The following EYS variants were observed in gnomAD, a reference collection of about 807,000 sequenced individuals.
EYS encodes the protein EGF-like photoreceptor maintenance factor.
Under a neutral mutation model 282.1 loss-of-function variants are expected in EYS, and 250 were observed. The ratio of observed to expected loss-of-function variants is 0.89; its 90% CI spans 0.80 to 0.98. The LOEUF (loss-of-function observed/expected upper bound fraction) is 0.98. EYS is among the 50% of genes least tolerant of loss of function. EYS has a pLI of 0.00. For synonymous variants in EYS, 1,355 were observed against 1,282.9 expected (o/e 1.06, Z -1.20); for missense variants, 4,016 against 3,709.0 (o/e 1.08, Z -2.15).
chr6:64,074,128 A>G (rs1165883995), intron 32 of EYS, among the ~76,000 whole-genome samples: 1 of 151,684 alleles, frequency 6.6e-6, no homozygotes, highest in Non-Finnish European at 1.5e-5. Flanking sequence ...AAAACTTTAT[A>G]AAATCTCTAG....
In EYS at chr6:65,279,274, ACTTT is replaced by A. The variant is rs1360127731; in HGVS notation, c.2023+16585_2023+16588del. ...GTGCTTAGGGCTCTCTCTTCCTGCA[ACTTT>A]CTTTCTCCCTGACTTTCTCATAGTT... On this transcript the variant is annotated intron_variant, in intron 12 of 42. Coordinates refer to ENST00000503581, the MANE Select transcript of EYS (RefSeq NM_001142800.2). Among the ~76,000 whole-genome samples, 4 of 151,990 alleles carry A rather than the reference ACTTT, an allele frequency of 2.6e-5. No individual in the cohort carries two copies. The South Asian group carries it at 6.2e-4, about 24-fold the overall frequency.
At chr6:65,110,516 G>A (rs1418268313) in intron 12 of EYS, among the ~76,000 whole-genome samples, 1 of 152,068 alleles carries the variant, frequency 6.6e-6, no homozygotes, top group Non-Finnish European at 1.5e-5. Flanking sequence ...CTTGAAAAAT[G>A]ACAAGATGTT....
At chr6:64,774,615 C>T (rs1037803771) in intron 22 of EYS, among the ~76,000 whole-genome samples, 1 of 151,826 alleles carries the variant, frequency 6.6e-6, no homozygotes, top group Non-Finnish European at 1.5e-5. Context: ...GTCCTTGAAC[C>T]TCAGTCTGTT....
intron 36 of EYS, among the ~76,000 whole-genome samples, chr6:63,838,519 G>A (rs1224688732): frequency 6.6e-6 from 1 of 152,064 alleles, no homozygotes; most frequent in African/African-American, 2.4e-5. Context: ...TTATACTGCG[G>A]CCCTGTATAT....
At chr6:65,199,138 C>T (rs1582008767) in intron 12 of EYS, among the ~76,000 whole-genome samples, 2 of 152,064 alleles carry the variant, frequency 1.3e-5, no homozygotes, top group Non-Finnish European at 2.9e-5. Flanking sequence ...AGATCTACCC[C>T]AATGAGATGC....
intron 22 of EYS, among the ~76,000 whole-genome samples, chr6:64,806,295 A>C (rs1248215798): frequency 6.6e-6 from 1 of 151,918 alleles, no homozygotes; most frequent in Non-Finnish European, 1.5e-5. Flanking sequence ...GTTATTGTAC[A>C]ATCAATATCA....
At chr6:65,192,963 T>C (rs1765678027) in intron 12 of EYS, among the ~76,000 whole-genome samples, 1 of 151,872 alleles carries the variant, frequency 6.6e-6, no homozygotes, top group African/African-American at 2.4e-5. Context: ...TAAAATGCAT[T>C]GTTAACTATA....
rs534922818 is a variant in EYS, at chr6:65,391,784, T to A, written c.1185-7284A>T. Among the ~76,000 whole-genome samples, 23 of 151,890 alleles carry A rather than the reference T, an allele frequency of 1.5e-4. 1 individual carries two copies. In the East Asian group the frequency reaches 4.5e-3, roughly 30 times the overall value. Reference sequence around the variant, plus strand: ...AGATTCAATGCCATCCCCATCAAGCTACCAATGACTTTCTTTACAGAATTG... The same window carrying A: ...AGATTCAATGCCATCCCCATCAAGCAACCAATGACTTTCTTTACAGAATTG... On this transcript the variant is annotated intron_variant, in intron 7 of 42. Coordinates refer to ENST00000503581, the MANE Select transcript of EYS (RefSeq NM_001142800.2).
intron 2 of EYS, among the ~76,000 whole-genome samples, chr6:65,590,560 C>T (rs1402200700): frequency 1.3e-5 from 2 of 151,930 alleles, no homozygotes; most frequent in Non-Finnish European, 2.9e-5. Flanking sequence ...GACTGTACAA[C>T]AGAACACTAA....
chr6:63,963,377 A>T (rs926327262), intron 35 of EYS, among the ~76,000 whole-genome samples: 5 of 152,196 alleles, frequency 3.3e-5, no homozygotes, highest in African/African-American at 1.2e-4. Flanking sequence ...GGACTAAAAA[A>T]AGTGCATAAA....
chr6:65,249,119 G>T (rs569976473), intron 12 of EYS, among the ~76,000 whole-genome samples: 2 of 149,560 alleles, frequency 1.3e-5, no homozygotes, highest in Admixed American at 1.3e-4. Flanking sequence ...GGAATAAAAT[G>T]AGAGTAATAA....
chr6:63,735,629 A>G (rs771282857), intron 41 of EYS, among the ~76,000 whole-genome samples: 2 of 152,114 alleles, frequency 1.3e-5, no homozygotes, highest in Non-Finnish European at 2.9e-5. Flanking sequence ...ATATTTTCCT[A>G]TATAATTAGC....
chr6:65,128,606 CA>C (rs1775782829), intron 12 of EYS, among the ~76,000 whole-genome samples: 1 of 151,954 alleles, frequency 6.6e-6, no homozygotes. Context: ...AGCAGGAATA[CA>C]GCTAACCAAG....
intron 31 of EYS, among the ~76,000 whole-genome samples, chr6:64,167,661 T>C (rs144333134): frequency 5.7e-4 from 86 of 150,342 alleles, no homozygotes; most frequent in Middle Eastern, 3.4e-3. Flanking sequence ...CACACCCATA[T>C]ATATGCACAT....
intron 12 of EYS, among the ~76,000 whole-genome samples, chr6:65,285,519 G>A (rs1321820890): frequency 6.6e-6 from 1 of 151,876 alleles, no homozygotes; most frequent in Non-Finnish European, 1.5e-5. Context: ...AATCTTTTAA[G>A]AAGTGCCCTA....
chr6:64,901,513 AT>A (rs1767663304), intron 18 of EYS, among the ~76,000 whole-genome samples: 1 of 151,858 alleles, frequency 6.6e-6, no homozygotes, highest in African/African-American at 2.4e-5. Context: ...CAAAAATTGT[AT>A]TTTTCAAAAG....
intron 35 of EYS, among the ~76,000 whole-genome samples, chr6:63,866,655 C>T (rs186515876): frequency 4.6e-5 from 7 of 152,218 alleles, no homozygotes; most frequent in Admixed American, 4.6e-4. Flanking sequence ...CATGCGGAGA[C>T]GACTAACTGT....
At chr6:65,158,349 T>A (rs1423068058) in intron 12 of EYS, among the ~76,000 whole-genome samples, 1 of 150,914 alleles carries the variant, frequency 6.6e-6, no homozygotes, top group East Asian at 2.0e-4. Flanking sequence ...ATGGAATGTG[T>A]CAAAATAGGC....
chr6:65,694,088 A>C (rs1164796502), intron 1 of EYS, among the ~76,000 whole-genome samples: 1 of 150,166 alleles, frequency 6.7e-6, no homozygotes, highest in East Asian at 2.3e-4. Context: ...AAAATTATGT[A>C]TAATAACAAA....
Sources: allele counts gnomAD v4.1 joint callset (sites outside exome capture counted in the v4.1 genomes callset), GRCh38; gene constraint gnomAD v4.1.1; transcripts MANE v1.5; gene names NCBI Gene and HGNC (gene_info 2026-07-23, HGNC 2026-07-21).